The following TIMP3 variants were observed in gnomAD, a reference collection of about 807,000 sequenced individuals.
The protein encoded by TIMP3 is TIMP metallopeptidase inhibitor 3.
TIMP3 carries 11 observed loss-of-function variants against 30.0 expected under a neutral mutation model. The ratio of observed to expected loss-of-function variants is 0.37; its 90% CI spans 0.23 to 0.61. The LOEUF is 0.61. Among genes scored for constraint, TIMP3 ranks in the 20% least tolerant of loss-of-function variants. TIMP3 has a pLI of 0.70. For missense variants in TIMP3, 181 were observed against 276.8 expected (o/e 0.65, Z 2.45); for synonymous variants, 112 against 111.3 (o/e 1.01, Z -0.04).
At chr22:32,825,971 T>A (rs1198128899) in intron 1 of TIMP3, among the ~76,000 whole-genome samples, 1 of 152,306 alleles carries the variant, frequency 6.6e-6, no homozygotes, top group East Asian at 1.9e-4. Flanking sequence ...AAGTTTATAG[T>A]AGCATAGGGA....
intron 3 of TIMP3, 28 bp downstream of exon 3, chr22:32,857,388 A>G: frequency 6.3e-7 from 1 of 1,576,580 alleles, no homozygotes. Context: ...CTTCTAGGCC[A>G]GGGTTTGGCC....
intron 1 of TIMP3, among the ~76,000 whole-genome samples, chr22:32,845,537 G>C (rs1440502169): frequency 2.0e-5 from 3 of 152,090 alleles, no homozygotes; most frequent in Admixed American, 2.0e-4. Flanking sequence ...AGCCATCAGT[G>C]GAAGCGGGAA....
At chr22:32,844,031 C>T (rs897290744) in intron 1 of TIMP3, among the ~76,000 whole-genome samples, 3 of 152,094 alleles carry the variant, frequency 2.0e-5, no homozygotes, top group Non-Finnish European at 2.9e-5. Flanking sequence ...GTTGATGCTA[C>T]CATGGGTGGA....
At chr22:32,859,021 G>T (rs2048458282) in intron 4 of TIMP3, 159 bp from the exon 5 acceptor site, 1 of 713,506 alleles carries the variant, frequency 1.4e-6, no homozygotes, top group Non-Finnish European at 2.6e-6. Flanking sequence ...TTAGACAGCA[G>T]ATGCTCAAGC....
chr22:32,818,186 G>A (rs1316564461), intron 1 of TIMP3, among the ~76,000 whole-genome samples: 1 of 152,202 alleles, frequency 6.6e-6, no homozygotes, highest in Non-Finnish European at 1.5e-5. Flanking sequence ...TGGCTGCTCA[G>A]AGCGTTTTGG....
At chr22:32,841,935 G>A (rs1052155468) in intron 1 of TIMP3, among the ~76,000 whole-genome samples, 1 of 152,174 alleles carries the variant, frequency 6.6e-6, no homozygotes, top group African/African-American at 2.4e-5. Context: ...AGATGGTGCT[G>A]AGACCCACAA....
intron 1 of TIMP3, among the ~76,000 whole-genome samples, chr22:32,845,543 G>T (rs1198469299): frequency 6.6e-6 from 1 of 151,092 alleles, no homozygotes; most frequent in Non-Finnish European, 1.5e-5. Flanking sequence ...CAGTGGAAGC[G>T]GGAAATAGGA....
At chr22:32,840,389 G>A (rs1253335849) in intron 1 of TIMP3, among the ~76,000 whole-genome samples, 7 of 152,060 alleles carry the variant, frequency 4.6e-5, no homozygotes, top group Admixed American at 6.5e-5. Flanking sequence ...CCTTTGAAAC[G>A]GACAAGAGAG....
chr22:32,820,987 C>G (rs951485149), intron 1 of TIMP3, among the ~76,000 whole-genome samples: 1 of 152,024 alleles, frequency 6.6e-6, no homozygotes, highest in Non-Finnish European at 1.5e-5. Context: ...ATGACCAATC[C>G]GAGAAACCCA....
At chr22:32,847,903 C>T (rs1440068237) in intron 1 of TIMP3, among the ~76,000 whole-genome samples, 1 of 152,246 alleles carries the variant, frequency 6.6e-6, no homozygotes. Context: ...AAGTATCCAG[C>T]ACCCTCATCA....
At chr22:32,845,222 G>T (rs1163246905) in intron 1 of TIMP3, among the ~76,000 whole-genome samples, 1 of 151,844 alleles carries the variant, frequency 6.6e-6, no homozygotes, top group Non-Finnish European at 1.5e-5. Flanking sequence ...TTTTGAGATG[G>T]AATCTCGCTC....
chr22:32,825,819 C>T (rs1193235141), intron 1 of TIMP3, among the ~76,000 whole-genome samples: 1 of 150,978 alleles, frequency 6.6e-6, no homozygotes, highest in African/African-American at 2.4e-5. Flanking sequence ...ATCCAACTAA[C>T]ATTTCTGTAT....
At chr22:32,850,790 G>T (rs928013081) in intron 2 of TIMP3, among the ~76,000 whole-genome samples, 1 of 152,150 alleles carries the variant, frequency 6.6e-6, no homozygotes, top group African/African-American at 2.4e-5. Flanking sequence ...CGGGCATGAG[G>T]GTGAGACCCC....
Position 32,857,894 on chromosome 22 carries a change from A to C in TIMP3, c.317-123A>C, listed in dbSNP as rs2048416447. On this transcript the variant is annotated intron_variant, in intron 3 of 4. Transcript: ENST00000266085. ...GTGTTGGGTAGGGTGAAATAAAATC[A>C]TGGGTCTGAAAAGTACCCAGCCACA... 2.1e-6 allele frequency: 3 copies of C among 1,439,482 alleles called. No homozygotes were observed. In the Admixed American group the frequency reaches 5.1e-5, roughly 24 times the overall value. 89.2% of individuals were successfully genotyped at this position (1,439,482 alleles called of 1,614,324 possible). A position where few individuals can be genotyped will look rare whatever the true frequency, so the allele number is the denominator to read the frequency against.
rs143556929 is a variant in TIMP3 at position 32,847,039 on chromosome 22, G to T, written c.122-2413G>T. Among the ~76,000 whole-genome samples the T allele has an allele frequency of 6.0e-3, 914 of 152,296 alleles. 12 individuals carry two copies. The highest frequency in any genetic ancestry group is 0.02 in the African/African-American group (812 of 41,550). On this transcript the variant is annotated intron_variant, in intron 1 of 4. Coordinates refer to ENST00000266085, the MANE Select transcript of TIMP3 (RefSeq NM_000362.5). ...TCAAGTCAAGCCATTTTTGAACCAG[G>T]ATGTTGCTATTTAAAGGAATCCCTT...
intron 1 of TIMP3, among the ~76,000 whole-genome samples, chr22:32,809,338 T>C (rs2046848071): frequency 6.6e-6 from 1 of 152,248 alleles, no homozygotes; most frequent in Admixed American, 6.5e-5. Context: ...CATGAGTCTT[T>C]GGCTCCCCAC....
chr22:32,802,232 AGACGGGGTTGGGGCG>A, intron 1 of TIMP3, 110 bp downstream of exon 1: 1 of 1,454,646 alleles, frequency 6.9e-7, no homozygotes, highest in Non-Finnish European at 9.1e-7. Flanking sequence ...GGAGAGGGGC[AGACGGGGTTGGGGCG>A]GAGTGGAGAA....
At chr22:32,814,516 A>C (rs1032557490) in intron 1 of TIMP3, among the ~76,000 whole-genome samples, 1 of 152,162 alleles carries the variant, frequency 6.6e-6, no homozygotes, top group African/African-American at 2.4e-5. Context: ...GAAAGACAAG[A>C]GATGGCTTGA....
Position 32,834,771 on chromosome 22 carries a change from C to T in TIMP3, c.122-14681C>T, listed in dbSNP as rs62232920. ...GCCCATAAACCCAGAAAATATGATTCCTATCTGGTACAGGGTACCATCCTG... is the reference window on the plus strand; with the variant it reads ...GCCCATAAACCCAGAAAATATGATTTCTATCTGGTACAGGGTACCATCCTG... On this transcript the variant is annotated intron_variant, in intron 1 of 4. Coordinates refer to ENST00000266085, the MANE Select transcript of TIMP3 (RefSeq NM_000362.5). Among the ~76,000 whole-genome samples the T allele has an allele frequency of 7.3e-3, 1,105 of 152,266 alleles. 8 individuals are homozygous for T. The highest frequency in any genetic ancestry group is 0.034 in the Middle Eastern group (10 of 294).
Sources: allele counts gnomAD v4.1 joint callset (sites outside exome capture counted in the v4.1 genomes callset), GRCh38; gene constraint gnomAD v4.1.1; transcripts MANE v1.5; gene names NCBI Gene and HGNC (gene_info 2026-07-23, HGNC 2026-07-21).